PCDHA7: variants seen among roughly 807,000 people sequenced by gnomAD.
PCDHA7 encodes the protein protocadherin alpha-7.
Under a neutral mutation model 57.2 loss-of-function variants are expected in PCDHA7, and 37 were observed. The observed-to-expected ratio is 0.65, with a 90% CI of 0.50 to 0.85. The LOEUF is 0.85. Among genes scored for constraint, PCDHA7 ranks in the 40% least tolerant of loss-of-function variants. The probability of loss-of-function intolerance (pLI) is 0.00; values close to 1 mark genes in which losing one functional copy is unlikely to be tolerated. For missense variants in PCDHA7, 1,188 were observed against 1,241.8 expected, an observed-to-expected ratio of 0.96 and a Z score of 0.65; for synonymous variants, 553 against 558.8, an observed-to-expected ratio of 0.99 and a Z score of 0.15.
chr5:140,857,057 G>A, intron 1 of PCDHA7: 1 of 1,596,192 alleles, frequency 6.3e-7, no homozygotes, highest in African/African-American at 1.3e-5. Flanking sequence ...CACGGTCCTA[G>A]TGGAACTACT....
chr5:141,004,423 C>T (rs2098165944), intron 3 of PCDHA7, among the ~76,000 whole-genome samples: 1 of 152,202 alleles, frequency 6.6e-6, no homozygotes, highest in Non-Finnish European at 1.5e-5. Context: ...TCTCTGCCTC[C>T]TGGAGTTTAG....
intron 1 of PCDHA7, chr5:140,871,465 C>T (rs782500075): frequency 5.0e-6 from 8 of 1,602,850 alleles, no homozygotes; most frequent in Non-Finnish European, 6.0e-6. Flanking sequence ...AGGGGAAAGA[C>T]AGGAGCCAGG....
intron 3 of PCDHA7, among the ~76,000 whole-genome samples, chr5:141,002,340 TTC>T (rs1554258614): frequency 5.3e-4 from 81 of 152,342 alleles, no homozygotes; most frequent in African/African-American, 1.9e-3. Flanking sequence ...TCCGCACCCC[TTC>T]CCCCACCTCC....
rs547873702 is a variant in PCDHA7 at position 140,879,516 on chromosome 5, T to C, written c.2355+42778T>C. 3.3e-5 allele frequency among the ~76,000 whole-genome samples: 5 copies of C among 152,322 alleles called. No homozygotes were observed. The East Asian group carries it at 7.7e-4, about 23-fold the overall frequency. On this transcript the variant is annotated intron_variant, in intron 1 of 3. Transcript: ENST00000525929. The stretch of plus-strand genomic sequence containing the variant: ...TGGATCTCAGAAGAGATTATTGATA[T>C]AGATTTTGGGAACAACTCCTTTAGA...
intron 1 of PCDHA7, among the ~76,000 whole-genome samples, chr5:140,941,241 T>TTCTTTCTTTCTTTCTTTCTC (rs1585048929): frequency 7.1e-6 from 1 of 140,568 alleles, no homozygotes; most frequent in East Asian, 2.0e-4. Context: ...CTTTCTTTCT[T>TTCTTTCTTTCTTTCTTTCTC]TCTTTCTTTC....
chr5:141,010,058 C>T lies in PCDHA7; in HGVS notation c.*121C>T. On this transcript the variant is annotated 3_prime_UTR_variant, in exon 4 of 4. Transcript: ENST00000525929. Reference sequence around the variant, plus strand: ...GAGCCCTCTTAGAGACCTCAGAAATCTGCAGAAAGTTCCCTGTGTCTGTCT... The same window carrying T: ...GAGCCCTCTTAGAGACCTCAGAAATTTGCAGAAAGTTCCCTGTGTCTGTCT... 6.2e-7 allele frequency: 1 copy of T among 1,601,100 alleles called. No homozygotes were observed. Among genetic ancestry groups the T allele is most frequent in the Non-Finnish European group, 8.5e-7 (1 of 1,173,728 alleles).
rs2041332150 is a variant in PCDHA7, at chr5:140,850,080, G to T, written c.2355+13342G>T. 56 of 1,596,464 alleles carry T rather than the reference G, an allele frequency of 3.5e-5. 4 individuals are homozygous for T. Among genetic ancestry groups the T allele is most frequent in the Non-Finnish European group, 4.6e-5 (54 of 1,167,848 alleles). ...GCAGCCGTTGGACCACGAGGAGCTG[G>T]AGCTGCTACAGTTCCAGGTGAGCGC... On this transcript the variant is annotated intron_variant, in intron 1 of 3. Coordinates refer to ENST00000525929, the MANE Select transcript of PCDHA7 (RefSeq NM_018910.3).
chr5:140,967,865 C>G, intron 1 of PCDHA7: 1 of 1,614,164 alleles, frequency 6.2e-7, no homozygotes, highest in Non-Finnish European at 8.5e-7. Flanking sequence ...AGAGGTGGTG[C>G]TCACGGACCT....
At chr5:140,956,594 T>C (rs2095295015) in intron 1 of PCDHA7, among the ~76,000 whole-genome samples, 1 of 152,210 alleles carries the variant, frequency 6.6e-6, no homozygotes, top group Non-Finnish European at 1.5e-5. Flanking sequence ...TTATCAGGGA[T>C]ATCAGCTGGA....
intron 1 of PCDHA7, among the ~76,000 whole-genome samples, chr5:140,840,117 TG>T (rs1426116905): frequency 6.6e-6 from 1 of 151,944 alleles, no homozygotes; most frequent in African/African-American, 2.4e-5. Flanking sequence ...GAGTGAAAGC[TG>T]TACTAATAAG....
At chr5:140,858,173 C>G (rs782491809) in intron 1 of PCDHA7, 1 of 1,597,720 alleles carries the variant, frequency 6.3e-7, no homozygotes, top group Admixed American at 1.7e-5. Context: ...GTCCAGCTTG[C>G]TGGTGCTCAC....
At chr5:140,897,547 C>T (rs1276931434) in intron 1 of PCDHA7, among the ~76,000 whole-genome samples, 3 of 152,076 alleles carry the variant, frequency 2.0e-5, no homozygotes, top group Non-Finnish European at 2.9e-5. Context: ...CATAGTCTTC[C>T]ATGGTGTATA....
chr5:140,982,795 ATG>A (rs60616196), intron 3 of PCDHA7, among the ~76,000 whole-genome samples: 18 of 151,504 alleles, frequency 1.2e-4, no homozygotes, highest in African/African-American at 3.2e-4. Flanking sequence ...GCATGTGTGC[ATG>A]TGTGTGTGTG....
At chr5:140,922,166 G>A (rs1304025068) in intron 1 of PCDHA7, among the ~76,000 whole-genome samples, 1 of 143,464 alleles carries the variant, frequency 7.0e-6, no homozygotes, top group East Asian at 2.2e-4. Flanking sequence ...ACAACAAAAA[G>A]TACAGCAGAC....
At chr5:140,894,505 C>T (rs1054272448) in intron 1 of PCDHA7, among the ~76,000 whole-genome samples, 9 of 151,570 alleles carry the variant, frequency 5.9e-5, no homozygotes, top group Non-Finnish European at 2.9e-5. Context: ...AGGCATTATC[C>T]ATAGTGTTTA....
intron 1 of PCDHA7, chr5:140,875,535 T>C (rs1554167741): frequency 3.1e-6 from 5 of 1,614,134 alleles, no homozygotes; most frequent in Admixed American, 3.3e-5. Context: ...TTCTGCTCCT[T>C]GCAGCCTGGG....
Position 140,850,095 on chromosome 5 carries a change from C to G in PCDHA7, c.2355+13357C>G, listed in dbSNP as rs139719626. The G allele has an allele frequency of 2.5e-3, 3,966 of 1,596,304 alleles. 379 individuals carry two copies. Among genetic ancestry groups the G allele is most frequent in the Non-Finnish European group, 3.1e-3 (3,638 of 1,167,768 alleles). On this transcript the variant is annotated intron_variant, in intron 1 of 3. Transcript: ENST00000525929. Reference sequence around the variant, plus strand: ...CGAGGAGCTGGAGCTGCTACAGTTCCAGGTGAGCGCGCGCGACGCGGGCGT... The same window carrying G: ...CGAGGAGCTGGAGCTGCTACAGTTCGAGGTGAGCGCGCGCGACGCGGGCGT...
At chr5:140,997,142 G>A (rs1038632915) in intron 3 of PCDHA7, among the ~76,000 whole-genome samples, 40 of 151,426 alleles carry the variant, frequency 2.6e-4, no homozygotes, top group African/African-American at 2.7e-4. Flanking sequence ...CCACACCCCC[G>A]CCACAGTGAC....
intron 1 of PCDHA7, among the ~76,000 whole-genome samples, chr5:140,962,185 C>T (rs782495435): frequency 6.6e-5 from 10 of 152,126 alleles, no homozygotes; most frequent in Non-Finnish European, 1.3e-4. Flanking sequence ...ACTTATATCA[C>T]TTTTATGCTT....
Sources: allele counts gnomAD v4.1 joint callset (sites outside exome capture counted in the v4.1 genomes callset), GRCh38; gene constraint gnomAD v4.1.1; transcripts MANE v1.5; gene names NCBI Gene and HGNC (gene_info 2026-07-23, HGNC 2026-07-21).